Variants in IQSEC1 observed in about 807,000 individuals in gnomAD.
IQSEC1 encodes IQ motif and Sec7 domain ArfGEF 1.
IQSEC1 carries 31 observed loss-of-function variants against 91.0 expected under a neutral mutation model. The ratio of observed to expected loss-of-function variants is 0.34; its 90% CI spans 0.26 to 0.46. The LOEUF (loss-of-function observed/expected upper bound fraction) is 0.46, where lower values mean the gene tolerates loss of function less well. Ranked by LOEUF, IQSEC1 falls within the 20% of genes least tolerant of loss-of-function variation. IQSEC1 has a pLI of 1.00. For synonymous variants in IQSEC1, 699 were observed against 662.6 expected (o/e 1.05, Z -0.84); for missense variants, 1,388 against 1,575.6 (o/e 0.88, Z 2.02).
At position 13,193,169 on chromosome 3, in the gene IQSEC1, C is replaced by G. The variant is rs1694065819; in HGVS notation, c.273-29036G>C. On this transcript the variant is annotated intron_variant, in intron 1 of 15. Coordinates refer to the IQSEC1 transcript ENST00000648114. The surrounding 1 kb of genome is among the most constrained non-coding windows in gnomAD (Gnocchi z 4.2). The stretch of plus-strand genomic sequence containing the variant: ...TGCCCACCTGCCCGGGGCTCACACA[C>G]AGAGCCTGCCCCATTCCCCGGACTC... 1.3e-5 allele frequency among the ~76,000 whole-genome samples: 2 copies of G among 152,232 alleles called. No individual in the cohort carries two copies. Among genetic ancestry groups the G allele is most frequent in the African/African-American group, 4.8e-5 (2 of 41,462 alleles).
In IQSEC1 at chr3:12,901,433, T is replaced by C. The variant is rs1437053798; in HGVS notation, c.2895A>G (p.Ser965=). 2.6e-6 allele frequency: 4 copies of C among 1,547,748 alleles called. No homozygotes were observed. The highest frequency in any genetic ancestry group is 1.2e-5 in the South Asian group (1 of 84,038). ...PSRPHQTMPN[S]SSLLGSLFGS... ...CGAATAAGGAGCCCAGGAGGGAAGA[T>C]GAGTTGGGCATAGTCTGGTGTGGGC... Residue 965 remains serine, a synonymous_variant, in exon 14 of 14, where the codon TCA becomes TCG. Transcript: ENST00000613206.
At chr3:13,009,497 C>A (rs1376965077) in intron 1 of IQSEC1, among the ~76,000 whole-genome samples, 1 of 151,972 alleles carries the variant, frequency 6.6e-6, no homozygotes, top group Non-Finnish European at 1.5e-5. Flanking sequence ...GGGCGGCCAA[C>A]TCCCTTTGAC....
intron 1 of IQSEC1, among the ~76,000 whole-genome samples, chr3:13,273,401 A>G (rs1232046509): frequency 6.6e-6 from 1 of 151,790 alleles, no homozygotes; most frequent in African/African-American, 2.4e-5. Context: ...GTCGCCAACC[A>G]CCTCACTCCC....
chr3:13,174,975 A>T (rs1693699254), intron 1 of IQSEC1, among the ~76,000 whole-genome samples: 1 of 151,944 alleles, frequency 6.6e-6, no homozygotes, highest in African/African-American at 2.4e-5. Flanking sequence ...GCGCTGCCCC[A>T]GGCACACAGC....
intron 1 of IQSEC1, among the ~76,000 whole-genome samples, chr3:13,045,130 C>T (rs906575289): frequency 3.3e-5 from 5 of 152,186 alleles, no homozygotes; most frequent in Non-Finnish European, 7.3e-5. Flanking sequence ...CAGGCATGCT[C>T]CACCCCAGGG....
intron 2 of IQSEC1, among the ~76,000 whole-genome samples, chr3:13,149,739 C>A (rs979670619): frequency 6.6e-6 from 1 of 152,104 alleles, no homozygotes; most frequent in African/African-American, 2.4e-5. Context: ...TCCCCTCTGT[C>A]CGCTGCCCCA....
chr3:13,053,562 A>G (rs1175754889), intron 1 of IQSEC1, among the ~76,000 whole-genome samples: 1 of 152,140 alleles, frequency 6.6e-6, no homozygotes, highest in Non-Finnish European at 1.5e-5. Context: ...GACCACGGGG[A>G]GAAGGGAGAC....
At chr3:13,002,421 C>T (rs1157902137) in intron 1 of IQSEC1, among the ~76,000 whole-genome samples, 1 of 152,052 alleles carries the variant, frequency 6.6e-6, no homozygotes, top group African/African-American at 2.4e-5. Context: ...TAGGCTCATG[C>T]CTGTAATCTC....
At chr3:13,106,270 G>A (rs1706150187) in intron 2 of IQSEC1, among the ~76,000 whole-genome samples, 2 of 152,034 alleles carry the variant, frequency 1.3e-5, no homozygotes, top group African/African-American at 4.8e-5. Flanking sequence ...ACCTTCCTGG[G>A]CTCCCACTGC....
intron 1 of IQSEC1, among the ~76,000 whole-genome samples, chr3:13,206,303 C>T (rs1198939220): frequency 6.6e-6 from 1 of 152,100 alleles, no homozygotes; most frequent in Non-Finnish European, 1.5e-5. Context: ...ACACATCCCC[C>T]TTGGATAAGG....
chr3:13,196,465 A>C (rs1192914218), intron 1 of IQSEC1, among the ~76,000 whole-genome samples: 4 of 152,178 alleles, frequency 2.6e-5, no homozygotes, highest in Non-Finnish European at 4.4e-5. Context: ...TCCTCAACCG[A>C]GGGCTCAATG....
At chr3:13,260,248 C>T (rs576765552) in intron 1 of IQSEC1, among the ~76,000 whole-genome samples, 5 of 152,310 alleles carry the variant, frequency 3.3e-5, no homozygotes, top group East Asian at 3.9e-4. Flanking sequence ...TGCTAGTTAA[C>T]GATGTTCTCT....
chr3:13,277,580 C>T (rs1695711697), intron 1 of IQSEC1, among the ~76,000 whole-genome samples: 1 of 152,218 alleles, frequency 6.6e-6, no homozygotes, highest in Non-Finnish European at 1.5e-5. Context: ...ATCACTCTCC[C>T]CACTCCCTTG....
chr3:12,931,342 A>G (rs961972306), intron 3 of IQSEC1, among the ~76,000 whole-genome samples: 3 of 152,160 alleles, frequency 2.0e-5, no homozygotes, highest in South Asian at 2.1e-4. Flanking sequence ...CATCAGCACC[A>G]CAGGCTACGG....
intron 1 of IQSEC1, among the ~76,000 whole-genome samples, chr3:13,232,050 G>T (rs1694847385): frequency 6.6e-6 from 1 of 152,346 alleles, no homozygotes; most frequent in East Asian, 1.9e-4. Context: ...GGATTACTTG[G>T]ATCATAATTC....
intron 1 of IQSEC1, among the ~76,000 whole-genome samples, chr3:13,182,968 T>C (rs1693870377): frequency 6.6e-6 from 1 of 151,976 alleles, no homozygotes; most frequent in African/African-American, 2.4e-5. Context: ...ATTGAGACCA[T>C]CCTGGCTAAC....
chr3:13,073,976 C>T (rs1705518177), upstream of IQSEC1, among the ~76,000 whole-genome samples: 2 of 152,228 alleles, frequency 1.3e-5, no homozygotes, highest in South Asian at 4.1e-4. Flanking sequence ...GGGGGCTGCA[C>T]GTGGCTAGGG....
At chr3:12,941,460 C>A in intron 2 of IQSEC1, 111 bp downstream of exon 2, 2 of 1,143,722 alleles carry the variant, frequency 1.7e-6, no homozygotes, top group South Asian at 3.4e-5. Context: ...CCACATGCAC[C>A]CCAACTCAAG....
At chr3:13,144,946 T>C (rs1706863745) in intron 2 of IQSEC1, among the ~76,000 whole-genome samples, 1 of 152,216 alleles carries the variant, frequency 6.6e-6, no homozygotes, top group African/African-American at 2.4e-5. Context: ...TGAGATGTAC[T>C]GAAGGCCCAC....
Sources: allele counts gnomAD v4.1 joint callset (sites outside exome capture counted in the v4.1 genomes callset), GRCh38; gene constraint gnomAD v4.1.1; non-coding constraint Gnocchi (gnomAD v3.1); transcripts MANE v1.5; gene names NCBI Gene and HGNC (gene_info 2026-07-23, HGNC 2026-07-21).